PARL: variants seen among roughly 807,000 people sequenced by gnomAD.
PARL encodes the protein presenilin associated rhomboid like, also known as presenilin-associated rhomboid-like protein, mitochondrial.
Under a neutral mutation model 51.6 loss-of-function variants are expected in PARL, and 44 were observed. That is an observed-to-expected ratio of 0.85 (90% CI 0.67 to 1.10). The LOEUF (loss-of-function observed/expected upper bound fraction) is 1.10, where lower values mean the gene tolerates loss of function less well. Among genes scored for constraint, PARL ranks in the 50% least tolerant of loss-of-function variants. PARL has a pLI of 0.00. For missense variants in PARL, 441 were observed against 469.5 expected, an observed-to-expected ratio of 0.94 and a Z score of 0.56; for synonymous variants, 172 against 164.0, an observed-to-expected ratio of 1.05 and a Z score of -0.37.
At chr3:183,850,512 G>T (rs995268416) in intron 4 of PARL, among the ~76,000 whole-genome samples, 1 of 152,112 alleles carries the variant, frequency 6.6e-6, no homozygotes, top group Non-Finnish European at 1.5e-5. Context: ...ACATTCTGTG[G>T]TTCTACGTGG....
intron 4 of PARL, among the ~76,000 whole-genome samples, chr3:183,855,162 G>C (rs187210518): frequency 6.6e-6 from 1 of 152,110 alleles, no homozygotes; most frequent in Non-Finnish European, 1.5e-5. Context: ...AGGAGGGAAT[G>C]GGGGAGTGAC....
chr3:183,873,378 C>T (rs6443917), intron 1 of PARL, among the ~76,000 whole-genome samples: 63,862 of 151,564 alleles, frequency 0.42, 13,926 homozygotes, highest in Middle Eastern at 0.56. Context: ...TGGTGGCGCA[C>T]GCCTGTATTT....
At chr3:183,879,972 C>T (rs937259854) in intron 1 of PARL, among the ~76,000 whole-genome samples, 69 of 150,238 alleles carry the variant, frequency 4.6e-4, no homozygotes, top group Admixed American at 2.0e-4. Context: ...CTCAGGTGAT[C>T]TGCCTGCCTC....
intron 1 of PARL, among the ~76,000 whole-genome samples, chr3:183,882,975 C>A (rs1734738887): frequency 6.6e-6 from 1 of 152,156 alleles, no homozygotes; most frequent in Non-Finnish European, 1.5e-5. Flanking sequence ...ACTTTAAGAA[C>A]TTATTACCAG....
Position 183,868,003 on chromosome 3 carries a change from T to C in PARL, c.183A>G (p.Glu61=), listed in dbSNP as rs1307899911. The C allele has an allele frequency of 6.2e-7, 1 of 1,614,158 alleles. No individual in the cohort carries two copies. The highest frequency in any genetic ancestry group is 1.7e-5 in the Admixed American group (1 of 60,022). ...CGFRKAPRKV[E]PRRSDPGTSG... ...TTGTCCCTGGGTCTGATCTTCGAGG[T>C]TCAACCTTCCTGGGTGCTTTTCTGA... Residue 61 remains glutamate, a synonymous_variant, in exon 2 of 10, where the codon GAA becomes GAG. Transcript: ENST00000317096.
chr3:183,836,332 A>G (rs375425699), intron 7 of PARL, among the ~76,000 whole-genome samples: 1 of 151,780 alleles, frequency 6.6e-6, no homozygotes, highest in East Asian at 1.9e-4. Flanking sequence ...GTACAATTCC[A>G]TGGAACGCTG....
chr3:183,882,258 TATATATATATTTATATATATATATAC>T (rs1173020499), intron 1 of PARL, among the ~76,000 whole-genome samples: 14 of 41,074 alleles, frequency 3.4e-4, no homozygotes, highest in South Asian at 6.8e-4. Context: ...TATATATATA[TATATATATATTTATATATATATATAC>T]ACACACACAT....
intron 4 of PARL, among the ~76,000 whole-genome samples, chr3:183,856,264 G>A (rs1731168280): frequency 6.6e-6 from 1 of 152,008 alleles, no homozygotes; most frequent in South Asian, 2.1e-4. Flanking sequence ...ACCACTTGGG[G>A]TCTAATAGCT....
At chr3:183,880,478 T>G (rs1298644775) in intron 1 of PARL, among the ~76,000 whole-genome samples, 1 of 152,144 alleles carries the variant, frequency 6.6e-6, no homozygotes, top group African/African-American at 2.4e-5. Context: ...CTCGGCTCAC[T>G]GCAACCTCCG....
At chr3:183,835,502 C>A (rs534784070) in intron 7 of PARL, among the ~76,000 whole-genome samples, 95 of 152,180 alleles carry the variant, frequency 6.2e-4, no homozygotes, top group Non-Finnish European at 1.1e-3. Context: ...GATGGAAGGA[C>A]AGCATGAACA....
At chr3:183,855,750 A>G (rs13326679) in intron 4 of PARL, among the ~76,000 whole-genome samples, 113,722 of 151,816 alleles carry the variant, frequency 0.75, 42,859 homozygotes, top group East Asian at 0.96. Flanking sequence ...TAAGGAGTAC[A>G]CAACCTAGAT....
chr3:183,846,010 C>T (rs1002703265), intron 4 of PARL, among the ~76,000 whole-genome samples: 2 of 152,018 alleles, frequency 1.3e-5, no homozygotes, highest in Non-Finnish European at 2.9e-5. Context: ...GGTCCCTGAT[C>T]CTGCCTACTA....
At chr3:183,882,222 A>AAATATAT (rs1401913573) in intron 1 of PARL, among the ~76,000 whole-genome samples, 1 of 46,112 alleles carries the variant, frequency 2.2e-5, no homozygotes, top group African/African-American at 7.9e-5. Flanking sequence ...AAAAAAAAAA[A>AAATATAT]ATATATATAT....
At chr3:183,863,790 A>G (rs1732120990) in intron 3 of PARL, among the ~76,000 whole-genome samples, 1 of 152,172 alleles carries the variant, frequency 6.6e-6, no homozygotes, top group Non-Finnish European at 1.5e-5. Flanking sequence ...AACTTCGTGT[A>G]TAGTGGCACG....
Position 183,881,102 on chromosome 3 carries a change from C to T in PARL, c.125+3620G>A, listed in dbSNP as rs564294682. 2.2e-3 allele frequency among the ~76,000 whole-genome samples: 326 copies of T among 150,306 alleles called. 2 individuals carry two copies. The highest frequency in any genetic ancestry group is 7.7e-3 in the African/African-American group (315 of 40,738). ...AAGTGCTGGGACTGCAGGCCTGTGC[C>T]ACCGCACAGCCTTTGTGCATTTTTT... On this transcript the variant is annotated intron_variant, in intron 1 of 9. Coordinates refer to ENST00000317096, the MANE Select transcript of PARL (RefSeq NM_018622.7).
Position 183,884,826 on chromosome 3 carries a change from C to G in PARL, c.21G>C (p.Ala7=). 6.3e-7 allele frequency: 1 copy of G among 1,596,978 alleles called. No homozygotes were observed. The highest frequency in any genetic ancestry group is 8.5e-7 in the Non-Finnish European group (1 of 1,179,082). Residue 7 remains alanine (A), a synonymous_variant, in exon 1 of 10, where the codon GCG becomes GCC. Transcript: ENST00000317096. The stretch of plus-strand genomic sequence containing the variant: ...CCTGGCCGCAGCCCCAGCCTCTCTG[C>G]GCCCAGCCTCGCCACGCCATCTTCC... MAWRGW[A]QRGWGCGQAW... is the part of the protein sequence containing the mutation.
At chr3:183,854,327 G>A (rs1730890252) in intron 4 of PARL, among the ~76,000 whole-genome samples, 4 of 152,106 alleles carry the variant, frequency 2.6e-5, no homozygotes, top group Admixed American at 2.6e-4. Flanking sequence ...ATAACAAGAG[G>A]TAGAAATAAC....
At chr3:183,861,600 G>A (rs756801377) in intron 4 of PARL, among the ~76,000 whole-genome samples, 5 of 152,080 alleles carry the variant, frequency 3.3e-5, no homozygotes, top group Non-Finnish European at 7.4e-5. Flanking sequence ...TTTGAATGAA[G>A]AAAGATAAAC....
chr3:183,829,804 C>T (rs920527964), intron 9 of PARL, 95 bp from the exon 10 acceptor site: 41 of 962,112 alleles, frequency 4.3e-5, no homozygotes, highest in African/African-American at 1.9e-4. Context: ...TTTTTAAAAT[C>T]GAATGCCACT....
Sources: allele counts gnomAD v4.1 joint callset (sites outside exome capture counted in the v4.1 genomes callset), GRCh38; gene constraint gnomAD v4.1.1; transcripts MANE v1.5; gene names NCBI Gene and HGNC (gene_info 2026-07-23, HGNC 2026-07-21).